Variants in POFUT1 observed in about 807,000 individuals in gnomAD.
POFUT1 encodes protein O-fucosyltransferase 1.
In POFUT1, 16 loss-of-function variants were observed where a neutral mutation model predicts 42.4. The observed-to-expected ratio is 0.38, with a 90% CI of 0.26 to 0.57. The LOEUF (loss-of-function observed/expected upper bound fraction) is 0.57. Ranked by LOEUF, POFUT1 falls within the 20% of genes least tolerant of loss-of-function variation. The pLI is 0.71. For missense variants in POFUT1, 470 were observed against 504.6 expected (o/e 0.93, Z 0.66); for synonymous variants, 206 against 205.4 (o/e 1.00, Z -0.03).
chr20:32,215,966 A>G (rs2047357962), intron 3 of POFUT1, among the ~76,000 whole-genome samples: 2 of 152,330 alleles, frequency 1.3e-5, no homozygotes, highest in South Asian at 2.1e-4. Context: ...CTGGGATTCA[A>G]CCTTAGGTAA....
At chr20:32,216,903 T>C in intron 4 of POFUT1, 182 bp downstream of exon 4, 3 of 1,561,418 alleles carry the variant, frequency 1.9e-6, no homozygotes, top group Non-Finnish European at 1.7e-6. Context: ...CCTGACACGG[T>C]GGAACATTGA....
chr20:32,210,307 C>A, intron 2 of POFUT1, 115 bp downstream of exon 2: 2 of 1,052,878 alleles, frequency 1.9e-6, no homozygotes, highest in South Asian at 1.3e-5. Context: ...ATTTCCCTAC[C>A]TCCAGCCAGA....
rs372699128 is a variant in POFUT1, at chr20:32,210,918, C to T, written c.246+726C>T. 2.1e-4 allele frequency among the ~76,000 whole-genome samples: 32 copies of T among 152,354 alleles called. No homozygotes were observed. In the East Asian group the frequency reaches 3.7e-3, roughly 17 times the overall value. The stretch of plus-strand genomic sequence containing the variant: ...AACAAAACACTTAATTTCATTCTTA[C>T]AACCTTTTCTCTGCATAGATTTTAC... On this transcript the variant is annotated intron_variant, in intron 2 of 6. Transcript: ENST00000375749.
chr20:32,224,211 G>A (rs1188082044), intron 4 of POFUT1, among the ~76,000 whole-genome samples: 1 of 152,122 alleles, frequency 6.6e-6, no homozygotes, highest in Non-Finnish European at 1.5e-5. Flanking sequence ...GGGCAACATG[G>A]CGAAAACCCG....
intron 6 of POFUT1, chr20:32,231,352 A>G: frequency 2.6e-6 from 1 of 390,578 alleles, no homozygotes. Flanking sequence ...GTGTAGAAAT[A>G]TGTCTTATTT....
intron 4 of POFUT1, among the ~76,000 whole-genome samples, chr20:32,226,012 G>A (rs2047413051): frequency 6.6e-6 from 1 of 152,114 alleles, no homozygotes; most frequent in Non-Finnish European, 1.5e-5. Flanking sequence ...CCTCCTTTTT[G>A]ATGTCTATAG....
At chr20:32,224,404 A>G (rs2122589577) in intron 4 of POFUT1, among the ~76,000 whole-genome samples, 2 of 151,986 alleles carry the variant, frequency 1.3e-5, no homozygotes, top group Admixed American at 6.5e-5. Flanking sequence ...AAAAAAAAGG[A>G]AAGAAAACTA....
In POFUT1 at chr20:32,238,015, C is replaced by G. The variant is rs1336398469; in HGVS notation, c.*3354C>G. On this transcript the variant is annotated 3_prime_UTR_variant, in exon 7 of 7. Coordinates refer to ENST00000375749, the MANE Select transcript of POFUT1 (RefSeq NM_015352.2). ...TTTACTTAATAGTGTATCATGTTTT[C>G]CCTGTTGGTATGTAGCCTGGATAAA... is the stretch of plus-strand genomic sequence containing the variant. 1.5e-5 allele frequency: 5 copies of G among 344,652 alleles called. No individual in the cohort carries two copies. The highest frequency in any genetic ancestry group is 1.1e-4 in the Admixed American group (3 of 27,106). 21.3% of individuals were successfully genotyped at this position (344,652 alleles called of 1,614,324 possible). A position where few individuals can be genotyped will look rare whatever the true frequency, so the allele number is the denominator to read the frequency against.
At chr20:32,210,734 C>G (rs1416078688) in intron 2 of POFUT1, among the ~76,000 whole-genome samples, 4 of 152,218 alleles carry the variant, frequency 2.6e-5, no homozygotes, top group African/African-American at 9.6e-5. Context: ...ATGCGATGCT[C>G]ACCGGCCCCC....
chr20:32,207,919 C>A lies in POFUT1; in HGVS notation c.-23C>A. The A allele has an allele frequency of 6.4e-7, 1 of 1,571,478 alleles. No individual in the cohort carries two copies. The highest frequency in any genetic ancestry group is 8.6e-7 in the Non-Finnish European group (1 of 1,167,714). On this transcript the variant is annotated 5_prime_UTR_variant, in exon 1 of 7. In the 5' UTR this introduces an upstream ATG that the reference lacks. Coordinates refer to ENST00000375749, the MANE Select transcript of POFUT1 (RefSeq NM_015352.2). ...TTCCCTCCCCGACTGTGCGCCGCGG[C>A]TGGCTCGGGTTCCCGGGCCGACATG...
Position 32,228,307 on chromosome 20 carries a change from C to T in POFUT1, c.587C>T (p.Pro196Leu), listed in dbSNP as rs2047424999. The part of the protein sequence containing the change: ...EHPVLALPGA[P>L]AQFPVLEEHR... ...CCGGTGCTTGCCCTGCCAGGAGCCC[C>T]AGCCCAGTTCCCCGTCCTAGAGGAA... The change falls in exon 5 of 7, where the codon CCA becomes CTA. Residue 196 changes from proline (P) to leucine (L), a missense_variant. Pro to Leu is a moderately conservative substitution (Grantham distance 98). Coordinates refer to ENST00000375749, the MANE Select transcript of POFUT1 (RefSeq NM_015352.2). 1 of 1,614,110 alleles carries T rather than the reference C, an allele frequency of 6.2e-7. No individual in the cohort carries two copies. Among genetic ancestry groups the T allele is most frequent in the African/African-American group, 1.3e-5 (1 of 75,060 alleles).
intron 5 of POFUT1, among the ~76,000 whole-genome samples, 175 bp from the exon 6 acceptor site, chr20:32,230,644 G>C (rs951587938): frequency 1.3e-5 from 2 of 150,940 alleles, no homozygotes; most frequent in Admixed American, 6.6e-5. Context: ...GCAGTGAGTG[G>C]AGATCACACC....
chr20:32,230,201 C>A (rs1041862739), intron 5 of POFUT1, among the ~76,000 whole-genome samples: 1 of 151,548 alleles, frequency 6.6e-6, no homozygotes, highest in East Asian at 2.0e-4. Flanking sequence ...TCCTGGCTAA[C>A]GTGGTGAAAC....
Position 32,230,855 on chromosome 20 carries a change from G to A in POFUT1, c.772G>A (p.Gly258Ser). The change falls in exon 6 of 7, where the codon GGC (glycine) becomes AGC (serine). Residue 258 changes from glycine to serine, a missense_variant. Physicochemically the swap from Gly to Ser is moderately conservative, Grantham distance 56. Coordinates refer to ENST00000375749, the MANE Select transcript of POFUT1 (RefSeq NM_015352.2). ...ACAMLKDGTAGSHFMASPQCV... is the reference protein window; with the variant it reads ...ACAMLKDGTASSHFMASPQCV... ...TGCCATGCTGAAGGACGGGACTGCA[G>A]GCTCGCACTTCATGGCCTCTCCGCA... The A allele has an allele frequency of 6.2e-7, 1 of 1,614,124 alleles. No individual in the cohort carries two copies. The highest frequency in any genetic ancestry group is 8.5e-7 in the Non-Finnish European group (1 of 1,180,048).
chr20:32,231,080 G>A lies in POFUT1; in HGVS notation c.978+19G>A. On this transcript the variant is annotated intron_variant, in intron 6 of 6. Coordinates refer to ENST00000375749, the MANE Select transcript of POFUT1 (RefSeq NM_015352.2). ...AGGGAAGGTATGTGTGGGCCAAGTG[G>A]GAGTGCAGTAGGAAGGGAATGAAAG... 1 of 1,613,892 alleles carries A rather than the reference G, an allele frequency of 6.2e-7. No homozygotes were observed. Among genetic ancestry groups the A allele is most frequent in the Non-Finnish European group, 8.5e-7 (1 of 1,179,910 alleles).
chr20:32,213,958 C>T (rs987767977), intron 2 of POFUT1, among the ~76,000 whole-genome samples: 3 of 152,012 alleles, frequency 2.0e-5, no homozygotes, highest in Non-Finnish European at 4.4e-5. Flanking sequence ...AACCCTGTTC[C>T]CTTAACAACT....
chr20:32,236,570 G>A lies in POFUT1; in HGVS notation c.*1909G>A, dbSNP rs758651407. Reference sequence around the variant, plus strand: ...GCACCAGAAGTTCTAGCAAAATTCAGTTGTGTTCTGTGAGCTAGCACTTTT... The same window carrying A: ...GCACCAGAAGTTCTAGCAAAATTCAATTGTGTTCTGTGAGCTAGCACTTTT... On this transcript the variant is annotated 3_prime_UTR_variant, in exon 7 of 7. Transcript: ENST00000375749. 4 of 152,204 alleles carry A rather than the reference G, an allele frequency of 2.6e-5. No individual in the cohort carries two copies. Among genetic ancestry groups the A allele is most frequent in the African/African-American group, 7.2e-5 (3 of 41,442 alleles). 9.4% of individuals were successfully genotyped at this position (152,204 alleles called of 1,614,324 possible). A position where few individuals can be genotyped will look rare whatever the true frequency, so the allele number is the denominator to read the frequency against.
chr20:32,223,021 C>T (rs951368695), intron 4 of POFUT1: 9 of 985,320 alleles, frequency 9.1e-6, no homozygotes, highest in Non-Finnish European at 1.1e-5. Context: ...CCTGGGTCTT[C>T]TGCACTCAAT....
Position 32,207,883 on chromosome 20 carries a change from C to A in POFUT1, c.-59C>A. 2 of 1,396,910 alleles carry A rather than the reference C, an allele frequency of 1.4e-6. No homozygotes were observed. The highest frequency in any genetic ancestry group is 3.1e-5 in the East Asian group (1 of 31,964). The allele number at this position is 1,396,910 out of a possible 1,614,324, so 86.5% of individuals were successfully genotyped here. A position where few individuals can be genotyped will look rare whatever the true frequency, so the allele number is the denominator to read the frequency against. On this transcript the variant is annotated 5_prime_UTR_variant, in exon 1 of 7. Coordinates refer to ENST00000375749, the MANE Select transcript of POFUT1 (RefSeq NM_015352.2). ...GACCGCTGGGAGCGGGGCGGGCGCTCGCGTCCCTCCTTCCCTCCCCGACTG... is the reference window on the plus strand; with the variant it reads ...GACCGCTGGGAGCGGGGCGGGCGCTAGCGTCCCTCCTTCCCTCCCCGACTG...
Sources: gnomAD v4.1 joint callset for allele counts (sites outside exome capture counted in the v4.1 genomes callset) on GRCh38, gnomAD v4.1.1 for gene constraint, MANE v1.5 for transcripts, NCBI Gene and HGNC (gene_info 2026-07-23, HGNC 2026-07-21) for gene names.